The following CCNT1 variants were observed in gnomAD, a reference collection of about 807,000 sequenced individuals.
The protein encoded by CCNT1 is cyclin T1.
CCNT1 carries 18 observed loss-of-function variants against 67.3 expected under a neutral mutation model. That is an observed-to-expected ratio of 0.27 (90% CI 0.18 to 0.40). The LOEUF (loss-of-function observed/expected upper bound fraction) is 0.40. Among genes scored for constraint, CCNT1 ranks in the 10% least tolerant of loss-of-function variants. The pLI, the probability that CCNT1 is intolerant of heterozygous loss-of-function variation, is 1.00. For synonymous variants in CCNT1, 333 were observed against 310.3 expected (o/e 1.07, Z -0.77); for missense variants, 744 against 884.9 (o/e 0.84, Z 2.02).
At chr12:48,696,244 A>T in intron 6 of CCNT1, 82 bp from the exon 7 acceptor site, 2 of 594,420 alleles carry the variant, frequency 3.4e-6, no homozygotes, top group East Asian at 3.6e-5. Context: ...TTATTTAAAA[A>T]AAAAAAAAAA....
At chr12:48,711,904 T>C (rs1355186836) in intron 2 of CCNT1, among the ~76,000 whole-genome samples, 1 of 152,186 alleles carries the variant, frequency 6.6e-6, no homozygotes, top group African/African-American at 2.4e-5. Flanking sequence ...GCCATTCTCC[T>C]GTCTCAGCCT....
chr12:48,714,853 C>T (rs149556863), intron 1 of CCNT1, among the ~76,000 whole-genome samples: 59 of 152,314 alleles, frequency 3.9e-4, no homozygotes, highest in Non-Finnish European at 5.9e-4. Context: ...CACTCTGTCG[C>T]CCACACTGGA....
chr12:48,706,210 A>AT (rs990827087), intron 2 of CCNT1, among the ~76,000 whole-genome samples: 1 of 152,198 alleles, frequency 6.6e-6, no homozygotes, highest in East Asian at 1.9e-4. Context: ...CACTCAATAC[A>AT]TTTTTTAAGG....
Position 48,716,611 on chromosome 12 carries a change from C to T in CCNT1, c.65G>A (p.Ser22Asn). Residue 22 changes from serine to asparagine, a missense_variant, in exon 1 of 9, where the codon AGC (serine) becomes AAC (asparagine). By Grantham distance (46) the Ser-to-Asn change is conservative. Around this residue, in one of 3 missense-constraint regions of CCNT1, gnomAD observed 38 missense variants for 33.7 expected, o/e 1.13. Transcript: ENST00000261900. ...GTCCACGCCAAAACGACGGGATGGG[C>T]TATTTTCCAGCTGTTCTCGAGTGAA... ...WYFTREQLENSPSRRFGVDPD... is the reference protein window; with the variant it reads ...WYFTREQLENNPSRRFGVDPD... 1 of 1,614,220 alleles carries T rather than the reference C, an allele frequency of 6.2e-7. No homozygotes were observed. Among genetic ancestry groups the T allele is most frequent in the Non-Finnish European group, 8.5e-7 (1 of 1,180,012 alleles).
chr12:48,691,803 G>C lies in CCNT1; in HGVS notation c.*1230C>G, dbSNP rs1202413799. ...GCTGCAAAAACTTGAGGATGTAGCT[G>C]TTTCCCTTCGGATATACACATAAAA... On this transcript the variant is annotated 3_prime_UTR_variant, in exon 9 of 9. Coordinates refer to ENST00000261900, the MANE Select transcript of CCNT1 (RefSeq NM_001240.4). 6.6e-6 allele frequency: 1 copy of C among 152,138 alleles called. No homozygotes were observed. The highest frequency in any genetic ancestry group is 1.5e-5 in the Non-Finnish European group (1 of 68,024). The allele number at this position is 152,138 out of a possible 1,614,324, so 9.4% of individuals were successfully genotyped here.
intron 2 of CCNT1, among the ~76,000 whole-genome samples, chr12:48,712,423 G>A (rs1231118324): frequency 1.3e-5 from 2 of 151,048 alleles, no homozygotes; most frequent in African/African-American, 4.9e-5. Context: ...TTACAGGCAT[G>A]AAACTCCACG....
rs563179156 is a variant in CCNT1 at position 48,716,464 on chromosome 12, A to G, written c.161+51T>C. 4.6e-6 allele frequency: 7 copies of G among 1,523,460 alleles called. No homozygotes were observed. In the African/African-American group the frequency reaches 5.5e-5, roughly 12 times the overall value. The allele number at this position is 1,523,460 out of a possible 1,614,324, so 94.4% of individuals were successfully genotyped here. A position where few individuals can be genotyped will look rare whatever the true frequency, so the allele number is the denominator to read the frequency against. On this transcript the variant is annotated intron_variant, in intron 1 of 8. Coordinates refer to ENST00000261900, the MANE Select transcript of CCNT1 (RefSeq NM_001240.4). ...CCACAGAGCCTGAGACCCGGACGCCAGAGCATGGCGGGACCAACTCCAAGG... is the reference window on the plus strand; with the variant it reads ...CCACAGAGCCTGAGACCCGGACGCCGGAGCATGGCGGGACCAACTCCAAGG...
rs1398106349 is a variant in CCNT1, at chr12:48,693,761, T to C, written c.1453A>G (p.Lys485Glu). ...SKPEEIKMRIKVHAAADKHNS... is the reference protein window; with the variant it reads ...SKPEEIKMRIEVHAAADKHNS... Reference sequence around the variant, plus strand: ...TGCTTATCAGCTGCAGCATGGACTTTTATGCGCATTTTTATCTCCTCTGGT... The same window carrying C: ...TGCTTATCAGCTGCAGCATGGACTTCTATGCGCATTTTTATCTCCTCTGGT... The change falls in exon 9 of 9, where the codon AAA becomes GAA. Residue 485 changes from lysine to glutamate, a missense_variant. Lys to Glu is a moderately conservative substitution (Grantham distance 56). This residue lies in a region of CCNT1 where 564 missense variants were observed against 574.2 expected (regional missense o/e 0.98). Coordinates refer to ENST00000261900, the MANE Select transcript of CCNT1 (RefSeq NM_001240.4). 1.9e-6 allele frequency: 3 copies of C among 1,614,106 alleles called. No homozygotes were observed. Among genetic ancestry groups the C allele is most frequent in the South Asian group, 1.1e-5 (1 of 91,082 alleles).
chr12:48,711,108 G>A (rs143609807), intron 2 of CCNT1, among the ~76,000 whole-genome samples: 41 of 151,936 alleles, frequency 2.7e-4, no homozygotes, highest in Non-Finnish European at 4.4e-4. Context: ...AAGGCTGGAC[G>A]CGGTGGCTCA....
At chr12:48,711,037 C>A (rs1217012238) in intron 2 of CCNT1, among the ~76,000 whole-genome samples, 1 of 151,616 alleles carries the variant, frequency 6.6e-6, no homozygotes, top group Non-Finnish European at 1.5e-5. Flanking sequence ...GCACTCCAGC[C>A]TGGGGGAAAG....
intron 2 of CCNT1, 65 bp downstream of exon 2, chr12:48,714,378 C>A: frequency 9.7e-7 from 1 of 1,030,504 alleles, no homozygotes; most frequent in Non-Finnish European, 1.5e-6. Flanking sequence ...AGACCAACCA[C>A]AAATGGAATA....
Position 48,689,311 on chromosome 12 carries a change from G to C in CCNT1, c.*3722C>G, listed in dbSNP as rs1940035434. ...CACCCAAAAAGTAATTCTCATTCCA[G>C]ACTACTCTATCAGGCAGGATTACTG... On this transcript the variant is annotated 3_prime_UTR_variant, in exon 9 of 9. Coordinates refer to ENST00000261900, the MANE Select transcript of CCNT1 (RefSeq NM_001240.4). 1 of 152,098 alleles carries C rather than the reference G, an allele frequency of 6.6e-6. No homozygotes were observed. The highest frequency in any genetic ancestry group is 2.4e-5 in the African/African-American group (1 of 41,388). 9.4% of individuals were successfully genotyped at this position (152,098 alleles called of 1,614,324 possible). A position where few individuals can be genotyped will look rare whatever the true frequency, so the allele number is the denominator to read the frequency against.
intron 3 of CCNT1, among the ~76,000 whole-genome samples, chr12:48,703,430 G>A (rs906461139): frequency 1.6e-4 from 25 of 151,982 alleles, no homozygotes; most frequent in Non-Finnish European, 2.9e-4. Context: ...AAAATTAGCC[G>A]GGTGTAGTGG....
Position 48,694,322 on chromosome 12 carries a change from C to G in CCNT1, c.892G>C (p.Gly298Arg). The G allele has an allele frequency of 6.2e-7, 1 of 1,614,198 alleles. No individual in the cohort carries two copies. The highest frequency in any genetic ancestry group is 1.1e-5 in the South Asian group (1 of 91,086). ...GTAGAAGTTGACATGCTCATTAAAC[C>G]TGCAATGGTTGTGTCTGAAGAGCTC... Reference protein sequence around the residue: ...SQSSSDTTIAGLMSMSTSTTS... With the variant: ...SQSSSDTTIARLMSMSTSTTS... Residue 298 changes from glycine to arginine, a missense_variant, in exon 9 of 9, where the codon GGT (glycine) becomes CGT (arginine). Physicochemically the swap from Gly to Arg is moderately radical, Grantham distance 125 (BLOSUM62 -2). Coordinates refer to ENST00000261900, the MANE Select transcript of CCNT1 (RefSeq NM_001240.4).
intron 3 of CCNT1, among the ~76,000 whole-genome samples, chr12:48,702,564 C>G (rs1940288153): frequency 6.6e-6 from 1 of 152,154 alleles, no homozygotes; most frequent in East Asian, 1.9e-4. Flanking sequence ...GCAGGTGTAT[C>G]ACGAGGTCAG....
chr12:48,694,297 G>A lies in CCNT1; in HGVS notation c.917C>T (p.Thr306Ile), dbSNP rs1249980231. 1.2e-6 allele frequency: 2 copies of A among 1,614,090 alleles called. No homozygotes were observed. Among genetic ancestry groups the A allele is most frequent in the Admixed American group, 3.3e-5 (2 of 60,004 alleles). The change falls in exon 9 of 9, where the codon ACC (threonine) becomes ATC (isoleucine). Residue 306 changes from threonine to isoleucine, a missense_variant. Thr to Ile is a moderately conservative substitution (Grantham distance 89, BLOSUM62 -1). Coordinates refer to ENST00000261900, the MANE Select transcript of CCNT1 (RefSeq NM_001240.4). ...IAGLMSMSTS[T>I]TSAVPSLPVS... ...TGGCAGGGAAGGCACTGCACTTGTG[G>A]TAGAAGTTGACATGCTCATTAAACC...
At chr12:48,700,487 C>T (rs543357387) in intron 4 of CCNT1, among the ~76,000 whole-genome samples, 1 of 151,728 alleles carries the variant, frequency 6.6e-6, no homozygotes, top group Admixed American at 6.6e-5. Flanking sequence ...AAATGATAGC[C>T]CAAAAGAACC....
At chr12:48,705,615 A>G in intron 3 of CCNT1, 153 bp downstream of exon 3, 1 of 673,400 alleles carries the variant, frequency 1.5e-6, no homozygotes, top group Non-Finnish European at 2.5e-6. Flanking sequence ...ACACTAAAAT[A>G]TTCTTTTAAC....
chr12:48,707,662 G>A (rs1023652695), intron 2 of CCNT1, among the ~76,000 whole-genome samples: 1 of 152,030 alleles, frequency 6.6e-6, no homozygotes, highest in Non-Finnish European at 1.5e-5. Context: ...TAACTATTAT[G>A]TACCCATGAT....
Sources: allele counts gnomAD v4.1 joint callset (sites outside exome capture counted in the v4.1 genomes callset), GRCh38; gene constraint gnomAD v4.1.1; regional missense constraint gnomAD v4.1.1; transcripts MANE v1.5; gene names NCBI Gene and HGNC (gene_info 2026-07-23, HGNC 2026-07-21).